The following TMPRSS3 variants were observed in gnomAD, a reference collection of about 807,000 sequenced individuals.
TMPRSS3 encodes transmembrane serine protease 3.
TMPRSS3 carries 55 observed loss-of-function variants against 59.6 expected under a neutral mutation model. The ratio of observed to expected loss-of-function variants is 0.92; its 90% confidence interval spans 0.74 to 1.16. TMPRSS3 has a LOEUF of 1.16. Ranked by LOEUF, TMPRSS3 falls within the 50% of genes most tolerant of loss-of-function variation. TMPRSS3 has a pLI of 0.00. For synonymous variants in TMPRSS3, 257 were observed against 237.7 expected, an observed-to-expected ratio of 1.08 and a Z score of -0.75; for missense variants, 596 against 579.4, an observed-to-expected ratio of 1.03 and a Z score of -0.29.
At chr21:42,384,105 T>A in intron 6 of TMPRSS3, 92 bp from the exon 7 acceptor site, 2 of 1,218,178 alleles carry the variant, frequency 1.6e-6, no homozygotes, top group Non-Finnish European at 1.2e-6. Context: ...AACAGAAAAA[T>A]AAATTCTATT....
At chr21:42,395,542 G>T in intron 1 of TMPRSS3, 74 bp from the exon 2 acceptor site, 1 of 867,816 alleles carries the variant, frequency 1.2e-6, no homozygotes, top group Non-Finnish European at 1.9e-6. Flanking sequence ...TTGGTCATAC[G>T]GTAAATCTTT....
intron 2 of TMPRSS3, chr21:42,390,352 C>T (rs552667234): frequency 2.6e-4 from 95 of 371,600 alleles, no homozygotes; most frequent in Non-Finnish European, 4.5e-4. Flanking sequence ...TGGAGATGGC[C>T]TGGAGAGTCT....
At position 42,380,227 on chromosome 21, in the gene TMPRSS3, A is replaced by G; in HGVS notation, c.953-15T>C. 1 of 1,596,732 alleles carries G rather than the reference A, an allele frequency of 6.3e-7. No individual in the cohort carries two copies. The highest frequency in any genetic ancestry group is 1.1e-5 in the South Asian group (1 of 90,484). Reference sequence around the variant, plus strand: ...CTGGATCATTTCTGCTTGAAGGGAAACAATAGTTCACAACTCAATTGAAGC... The same window carrying G: ...CTGGATCATTTCTGCTTGAAGGGAAGCAATAGTTCACAACTCAATTGAAGC... On this transcript the variant is annotated splice_polypyrimidine_tract_variant and intron_variant, in intron 9 of 12. Coordinates refer to ENST00000644384, the MANE Select transcript of TMPRSS3 (RefSeq NM_001256317.3).
At chr21:42,383,885 T>C in intron 7 of TMPRSS3, 85 bp downstream of exon 7, 2 of 1,427,856 alleles carry the variant, frequency 1.4e-6, no homozygotes, top group Admixed American at 1.7e-5. Flanking sequence ...CAGAGCCCCA[T>C]GGGGGGAGAG....
intron 10 of TMPRSS3, 79 bp downstream of exon 10, chr21:42,380,038 G>T: frequency 8.3e-7 from 1 of 1,199,512 alleles, no homozygotes; most frequent in Non-Finnish European, 1.2e-6. Flanking sequence ...ACATCACAAT[G>T]GGACATTGGG....
chr21:42,393,020 A>G (rs775380228), intron 2 of TMPRSS3, among the ~76,000 whole-genome samples: 3 of 152,242 alleles, frequency 2.0e-5, no homozygotes, highest in Non-Finnish European at 2.9e-5. Flanking sequence ...ATGGCGCACA[A>G]GTATGAAAAA....
At chr21:42,377,305 G>A (rs2052447771) in intron 10 of TMPRSS3, among the ~76,000 whole-genome samples, 1 of 152,226 alleles carries the variant, frequency 6.6e-6, no homozygotes, top group South Asian at 2.1e-4. Context: ...GACAGAGCAG[G>A]GACCAGAGTC....
At chr21:42,389,121 C>A in intron 3 of TMPRSS3, 76 bp from the exon 4 acceptor site, 1 of 1,601,682 alleles carries the variant, frequency 6.2e-7, no homozygotes, top group Non-Finnish European at 8.5e-7. Flanking sequence ...CCCCCTGCCA[C>A]ACAGTGCGGA....
intron 2 of TMPRSS3, among the ~76,000 whole-genome samples, chr21:42,394,185 GCAAAATAATCA>G (rs1175355994): frequency 6.6e-6 from 1 of 151,762 alleles, no homozygotes; most frequent in East Asian, 1.9e-4. Flanking sequence ...CTTAGTCATA[GCAAAATAATCA>G]AAAAATAAGA....
rs151193724 is a variant in TMPRSS3, at chr21:42,374,821, G to T, written c.1344+895C>A. ...TGGAAACTACGACTTTAAGCAAAATGATATATAATGAAACCAATTTTTTTT... is the reference window on the plus strand; with the variant it reads ...TGGAAACTACGACTTTAAGCAAAATTATATATAATGAAACCAATTTTTTTT... On this transcript the variant is annotated intron_variant, in intron 12 of 12. Transcript: ENST00000644384. 7.7e-3 allele frequency among the ~76,000 whole-genome samples: 1,159 copies of T among 151,310 alleles called. 9 individuals are homozygous for T. Among genetic ancestry groups the T allele is most frequent in the Middle Eastern group, 0.014 (4 of 294 alleles).
At chr21:42,389,788 T>C in intron 3 of TMPRSS3, 139 bp downstream of exon 3, 2 of 726,824 alleles carry the variant, frequency 2.8e-6, no homozygotes, top group Non-Finnish European at 4.9e-6. Context: ...AAACTTCAAG[T>C]CAGCAAACCA....
chr21:42,376,798 G>A (rs1601516259), intron 10 of TMPRSS3, 115 bp from the exon 11 acceptor site: 2 of 1,512,126 alleles, frequency 1.3e-6, no homozygotes, highest in East Asian at 4.5e-5. Context: ...GATGCTCTCT[G>A]GTGTGTCGCA....
chr21:42,387,310 TCA>T (rs2052652359), intron 5 of TMPRSS3, among the ~76,000 whole-genome samples: 1 of 149,636 alleles, frequency 6.7e-6, no homozygotes, highest in Non-Finnish European at 1.5e-5. Context: ...ACCCAATGAG[TCA>T]GAGGAAGAGG....
rs370777428 is a variant in TMPRSS3 at position 42,380,061 on chromosome 21, G to A, written c.1048+56C>T. ...ATGGGACATTGGGGGAGCCCCCTCC[G>A]CAGCCCTCTGGGTTCTGAGCCCCTG... On this transcript the variant is annotated intron_variant, in intron 10 of 12. Coordinates refer to ENST00000644384, the MANE Select transcript of TMPRSS3 (RefSeq NM_001256317.3). 3.9e-4 allele frequency: 567 copies of A among 1,455,970 alleles called. 1 individual carries two copies. In the East Asian group the frequency reaches 6.9e-3, roughly 18 times the overall value. 90.2% of individuals were successfully genotyped at this position (1,455,970 alleles called of 1,614,324 possible).
intron 10 of TMPRSS3, among the ~76,000 whole-genome samples, chr21:42,376,941 C>T (rs574546006): frequency 1.3e-5 from 2 of 152,286 alleles, no homozygotes; most frequent in African/African-American, 4.8e-5. Context: ...GCCACCGACT[C>T]CCCTAAGGTG....
Position 42,372,329 on chromosome 21 carries a change from G to T in TMPRSS3, c.*433C>A, listed in dbSNP as rs1332454950. 2.2e-6 allele frequency: 1 copy of T among 456,094 alleles called. No individual in the cohort carries two copies. Among genetic ancestry groups the T allele is most frequent in the Admixed American group, 2.3e-5 (1 of 42,636 alleles). 28.3% of individuals were successfully genotyped at this position (456,094 alleles called of 1,614,324 possible). On this transcript the variant is annotated 3_prime_UTR_variant, in exon 13 of 13. Coordinates refer to ENST00000644384, the MANE Select transcript of TMPRSS3 (RefSeq NM_001256317.3). ...AATCCCAGCACTGTGGGAGGCTGAAGCAGGCACATCATTTGAGGTCAGGGG... is the reference window on the plus strand; with the variant it reads ...AATCCCAGCACTGTGGGAGGCTGAATCAGGCACATCATTTGAGGTCAGGGG...
chr21:42,383,091 A>G lies in TMPRSS3; in HGVS notation c.724T>C (p.Cys242Arg). Residue 242 changes from cysteine (C) to arginine (R), a missense_variant, in exon 8 of 13, where the codon TGC becomes CGC. By Grantham distance (180) the Cys-to-Arg change is radical. Coordinates refer to ENST00000644384, the MANE Select transcript of TMPRSS3 (RefSeq NM_001256317.3). ...ASLQFQGYHL[C>R]GGSVITPLWI... ...AGGGGCGTGATGACAGAGCCCCCGCACAGGTGGTAGCCCTGGAACTGAAGG... is the reference window on the plus strand; with the variant it reads ...AGGGGCGTGATGACAGAGCCCCCGCGCAGGTGGTAGCCCTGGAACTGAAGG... 2 of 1,614,178 alleles carry G rather than the reference A, an allele frequency of 1.2e-6. No homozygotes were observed. Among genetic ancestry groups the G allele is most frequent in the Non-Finnish European group, 1.7e-6 (2 of 1,180,038 alleles).
At chr21:42,381,820 A>C (rs1303327959) in intron 9 of TMPRSS3, 6 of 641,054 alleles carry the variant, frequency 9.4e-6, no homozygotes, top group South Asian at 1.8e-5. Flanking sequence ...AAGTCTGCAA[A>C]CATGAGAGCC....
At position 42,382,143 on chromosome 21, in the gene TMPRSS3, A is replaced by G; in HGVS notation, c.874T>C (p.Tyr292His). The change falls in exon 9 of 13, where the codon TAC becomes CAC. Residue 292 changes from tyrosine to histidine, a missense_variant. Physicochemically the swap from Tyr to His is moderately conservative, Grantham distance 83. Coordinates refer to ENST00000644384, the MANE Select transcript of TMPRSS3 (RefSeq NM_001256317.3). ...CTCTTTGGCTTGTACTTGCTGTGGT[A>G]GACAATCTTCTCCACCAAGTGGGAT... ...APSHLVEKIV[Y>H]HSKYKPKRLG... The G allele has an allele frequency of 6.2e-7, 1 of 1,614,210 alleles. No homozygotes were observed. The highest frequency in any genetic ancestry group is 8.5e-7 in the Non-Finnish European group (1 of 1,180,022).
Sources: gnomAD v4.1 joint callset for allele counts (sites outside exome capture counted in the v4.1 genomes callset) on GRCh38, gnomAD v4.1.1 for gene constraint, MANE v1.5 for transcripts, NCBI Gene and HGNC (gene_info 2026-07-23, HGNC 2026-07-21) for gene names.